Variants in SPATC1 observed in about 807,000 individuals in gnomAD.
The protein encoded by SPATC1 is speriolin.
In SPATC1, 35 loss-of-function variants were observed where a neutral mutation model predicts 36.5. The observed-to-expected ratio is 0.96, with a 90% CI of 0.73 to 1.27. The LOEUF is 1.27. SPATC1 is among the 50% of genes most tolerant of loss of function. The pLI, the probability that SPATC1 is intolerant of heterozygous loss-of-function variation, is 0.00. For synonymous variants in SPATC1, 361 were observed against 353.6 expected, an observed-to-expected ratio of 1.02 and a Z score of -0.24; for missense variants, 779 against 796.0, an observed-to-expected ratio of 0.98 and a Z score of 0.26.
Position 144,046,995 on chromosome 8 carries a change from G to A in SPATC1, c.*39G>A. The A allele has an allele frequency of 6.4e-7, 1 of 1,568,962 alleles. No individual in the cohort carries two copies. The highest frequency in any genetic ancestry group is 8.6e-7 in the Non-Finnish European group (1 of 1,163,310). Reference sequence around the variant, plus strand: ...AGGTCCAGGCTCGCTCAGCCCCACAGCCCTGTGCACGGCCATTAAAGCTTC... The same window carrying A: ...AGGTCCAGGCTCGCTCAGCCCCACAACCCTGTGCACGGCCATTAAAGCTTC... On this transcript the variant is annotated 3_prime_UTR_variant, in exon 5 of 5. Coordinates refer to ENST00000377470, the MANE Select transcript of SPATC1 (RefSeq NM_198572.3). This position sits in a 1 kb window ranked among gnomAD's most constrained non-coding sequence, Gnocchi z 6.6.
intron 4 of SPATC1, among the ~76,000 whole-genome samples, chr8:144,044,739 G>C (rs1835213752): frequency 6.6e-6 from 1 of 151,874 alleles, no homozygotes; most frequent in Non-Finnish European, 1.5e-5. Context: ...CTGAGGTCAG[G>C]AGTTTGAGAC....
In SPATC1 at chr8:144,046,527, T is replaced by C. The variant is rs1246203240; in HGVS notation, c.1447-100T>C. ...TCCCCACCGCACACCCCTCGGATCC[T>C]GGCCATCTCACAGCCTCACCTGCCC... On this transcript the variant is annotated intron_variant, in intron 4 of 4. Transcript: ENST00000377470. The surrounding 1 kb of genome is among the most constrained non-coding windows in gnomAD (Gnocchi z 6.6). 8.8e-7 allele frequency: 1 copy of C among 1,136,456 alleles called. No individual in the cohort carries two copies. The allele number at this position is 1,136,456 out of a possible 1,614,324, so 70.4% of individuals were successfully genotyped here. A position where few individuals can be genotyped will look rare whatever the true frequency, so the allele number is the denominator to read the frequency against.
In SPATC1 at chr8:144,046,552, C is replaced by A. The variant is rs1564283657; in HGVS notation, c.1447-75C>A. ...TGGCCATCTCACAGCCTCACCTGCCCCTCGGTCTTCCCCTTACCTGCCTGT... is the reference window on the plus strand; with the variant it reads ...TGGCCATCTCACAGCCTCACCTGCCACTCGGTCTTCCCCTTACCTGCCTGT... On this transcript the variant is annotated intron_variant, in intron 4 of 4. Transcript: ENST00000377470. This position sits in a 1 kb window ranked among gnomAD's most constrained non-coding sequence, Gnocchi z 6.6. 11 of 1,397,844 alleles carry A rather than the reference C, an allele frequency of 7.9e-6. No individual in the cohort carries two copies. Among genetic ancestry groups the A allele is most frequent in the Non-Finnish European group, 9.8e-6 (10 of 1,019,688 alleles). The allele number at this position is 1,397,844 out of a possible 1,614,324, so 86.6% of individuals were successfully genotyped here. A position where few individuals can be genotyped will look rare whatever the true frequency, so the allele number is the denominator to read the frequency against.
chr8:144,036,803 C>T (rs1048202877), intron 1 of SPATC1, among the ~76,000 whole-genome samples: 3 of 151,976 alleles, frequency 2.0e-5, no homozygotes, highest in African/African-American at 7.2e-5. Flanking sequence ...TCAAGACTTA[C>T]GTAATAGGGT....
rs1384977721 is a variant in SPATC1, at chr8:144,012,395, C to G, written c.-121C>G. 1.3e-6 allele frequency: 1 copy of G among 777,588 alleles called. No homozygotes were observed. Among genetic ancestry groups the G allele is most frequent in the Non-Finnish European group, 2.1e-6 (1 of 472,262 alleles). 48.2% of individuals were successfully genotyped at this position (777,588 alleles called of 1,614,324 possible). A position where few individuals can be genotyped will look rare whatever the true frequency, so the allele number is the denominator to read the frequency against. ...GCCTCTGACCTCACAATACCCAGGGCCCACTGGGCCAGCCTTGCAGACTCT... is the reference window on the plus strand; with the variant it reads ...GCCTCTGACCTCACAATACCCAGGGGCCACTGGGCCAGCCTTGCAGACTCT... On this transcript the variant is annotated 5_prime_UTR_variant, in exon 1 of 5. Coordinates refer to ENST00000377470, the MANE Select transcript of SPATC1 (RefSeq NM_198572.3).
Position 144,012,817 on chromosome 8 carries a change from T to C in SPATC1, c.211+91T>C, listed in dbSNP as rs537175304. 9.7e-6 allele frequency: 13 copies of C among 1,339,886 alleles called. No individual in the cohort carries two copies. The South Asian group carries it at 1.3e-4, about 13-fold the overall frequency. 83.0% of individuals were successfully genotyped at this position (1,339,886 alleles called of 1,614,324 possible). A position where few individuals can be genotyped will look rare whatever the true frequency, so the allele number is the denominator to read the frequency against. The stretch of plus-strand genomic sequence containing the variant: ...AGTGTGCTGAGGTCTCAGGAGGTCA[T>C]GGAGGGAGTGCCCTTCTCCTTGCCC... On this transcript the variant is annotated intron_variant, in intron 1 of 4. Coordinates refer to ENST00000377470, the MANE Select transcript of SPATC1 (RefSeq NM_198572.3).
intron 1 of SPATC1, among the ~76,000 whole-genome samples, chr8:144,033,611 G>T (rs898878006): frequency 2.9e-4 from 44 of 152,282 alleles, no homozygotes; most frequent in African/African-American, 1.0e-3. Flanking sequence ...TCCATTTTCA[G>T]TTGCTACCTG....
Position 144,046,825 on chromosome 8 carries a change from T to C in SPATC1, c.1645T>C (p.Tyr549His), listed in dbSNP as rs375776582. ...PELAASEGGP[Y>H]TVDFLQRVVV... is the part of the protein sequence containing the mutation. ...GCTGGCGGCGTCTGAGGGCGGCCCC[T>C]ACACCGTGGACTTCCTGCAGCGTGT... The change falls in exon 5 of 5, where the codon TAC becomes CAC. Residue 549 changes from tyrosine (Y) to histidine (H), a missense_variant. Transcript: ENST00000377470. This position sits in a 1 kb window ranked among gnomAD's most constrained non-coding sequence, Gnocchi z 6.6. 88 of 1,604,080 alleles carry C rather than the reference T, an allele frequency of 5.5e-5. 1 individual carries two copies. Among genetic ancestry groups the C allele is most frequent in the Middle Eastern group, 1.6e-4 (1 of 6,062 alleles).
At chr8:144,027,145 C>A (rs1361069110) in intron 1 of SPATC1, among the ~76,000 whole-genome samples, 3 of 151,784 alleles carry the variant, frequency 2.0e-5, no homozygotes, top group Non-Finnish European at 2.9e-5. Context: ...TTCTTAATTT[C>A]TATATAAAAA....
chr8:144,038,549 A>G (rs1834976026), intron 1 of SPATC1, among the ~76,000 whole-genome samples: 1 of 151,752 alleles, frequency 6.6e-6, no homozygotes, highest in African/African-American at 2.4e-5. Context: ...ATCATAGCTC[A>G]CTGCAGCCTC....
At chr8:144,035,319 G>C (rs1179545305) in intron 1 of SPATC1, among the ~76,000 whole-genome samples, 1 of 152,208 alleles carries the variant, frequency 6.6e-6, no homozygotes, top group Non-Finnish European at 1.5e-5. Flanking sequence ...TTACTGTATT[G>C]GGTGAGGGGT....
intron 1 of SPATC1, among the ~76,000 whole-genome samples, chr8:144,029,704 A>G (rs1344744012): frequency 6.6e-6 from 1 of 152,234 alleles, no homozygotes; most frequent in Non-Finnish European, 1.5e-5. Flanking sequence ...TCAATATTTT[A>G]AAACTTAGAG....
intron 4 of SPATC1, among the ~76,000 whole-genome samples, chr8:144,042,317 T>A (rs1224930227): frequency 1.3e-3 from 127 of 100,016 alleles, no homozygotes; most frequent in African/African-American, 2.6e-3. Context: ...ATATATTTTT[T>A]TTTTTTTTTT....
chr8:144,033,997 G>A (rs1564273861), intron 1 of SPATC1, among the ~76,000 whole-genome samples: 1 of 152,222 alleles, frequency 6.6e-6, no homozygotes, highest in African/African-American at 2.4e-5. Flanking sequence ...TCGTGCTGGC[G>A]GGATGCAGCC....
intron 1 of SPATC1, among the ~76,000 whole-genome samples, chr8:144,021,168 CA>C: frequency 1.5e-5 from 1 of 64,750 alleles, no homozygotes; most frequent in African/African-American, 6.3e-5. Flanking sequence ...CCTCTCCCCT[CA>C]AGACCTTTCC....
intron 1 of SPATC1, among the ~76,000 whole-genome samples, chr8:144,038,386 T>A (rs1487074941): frequency 6.7e-6 from 1 of 150,210 alleles, no homozygotes; most frequent in Non-Finnish European, 1.5e-5. Context: ...TGAGCCGAGA[T>A]TGTGCCACTG....
Position 144,040,751 on chromosome 8 carries a change from T to A in SPATC1, c.950T>A (p.Val317Glu). Residue 317 changes from valine (V) to glutamate (E), a missense_variant, in exon 3 of 5, where the codon GTG becomes GAG. By Grantham distance (121) the Val-to-Glu change is moderately radical. Transcript: ENST00000377470. ...CAGCCCAGTGCCGCCCAGGAACAAG[T>A]GGTCCCTGCATCTGTCCCCACCTCC... The part of the protein sequence containing the change: ...QAQPSAAQEQ[V>E]VPASVPTSPT... 6.2e-7 allele frequency: 1 copy of A among 1,612,054 alleles called. No individual in the cohort carries two copies. The highest frequency in any genetic ancestry group is 2.2e-5 in the East Asian group (1 of 44,772).
Position 144,045,694 on chromosome 8 carries a change from C to G in SPATC1, c.1447-933C>G, listed in dbSNP as rs1835241643. Reference sequence around the variant, plus strand: ...TCTGTGGGCCTGTGCAGAGAGCGGGCAGGGCCAAGCCTGGAGGCAGGGGCA... The same window carrying G: ...TCTGTGGGCCTGTGCAGAGAGCGGGGAGGGCCAAGCCTGGAGGCAGGGGCA... On this transcript the variant is annotated intron_variant, in intron 4 of 4. Coordinates refer to ENST00000377470, the MANE Select transcript of SPATC1 (RefSeq NM_198572.3). The surrounding 1 kb of genome is among the most constrained non-coding windows in gnomAD (Gnocchi z 5.2). Among the ~76,000 whole-genome samples, 2 of 152,230 alleles carry G rather than the reference C, an allele frequency of 1.3e-5. No homozygotes were observed. The highest frequency in any genetic ancestry group is 1.3e-4 in the Admixed American group (2 of 15,290).
chr8:144,040,816 C>T lies in SPATC1; in HGVS notation c.1015C>T (p.Pro339Ser), dbSNP rs782040434. ...SPTVTVLASA[P>S]ALAPQVATSY... ...CACGGTCACCGTCCTTGCCTCTGCC[C>T]CCGCCCTTGCCCCCCAGGTTGCCAC... The change falls in exon 3 of 5, where the codon CCC (proline) becomes TCC (serine). Residue 339 changes from proline (P) to serine (S), a missense_variant. Physicochemically the swap from Pro to Ser is moderately conservative, Grantham distance 74 (BLOSUM62 -1). Transcript: ENST00000377470. 1 of 1,490,166 alleles carries T rather than the reference C, an allele frequency of 6.7e-7. No homozygotes were observed. The highest frequency in any genetic ancestry group is 1.2e-5 in the South Asian group (1 of 82,376). 92.3% of individuals were successfully genotyped at this position (1,490,166 alleles called of 1,614,324 possible).
Sources: gnomAD v4.1 joint callset for allele counts (sites outside exome capture counted in the v4.1 genomes callset) on GRCh38, gnomAD v4.1.1 for gene constraint, Gnocchi (gnomAD v3.1) non-coding constraint, MANE v1.5 for transcripts, NCBI Gene and HGNC (gene_info 2026-07-23, HGNC 2026-07-21) for gene names.